ANXA4: variants seen among roughly 807,000 people sequenced by gnomAD.
ANXA4 encodes annexin A4, also known as 35-beta calcimedin.
A neutral mutation model predicts 49.8 loss-of-function variants in ANXA4; 39 were observed. That is an observed-to-expected ratio of 0.78 (90% CI 0.61 to 1.02). ANXA4 has a LOEUF of 1.02. ANXA4 is among the 50% of genes least tolerant of loss of function. The pLI, the probability that ANXA4 is intolerant of heterozygous loss-of-function variation, is 0.00. For missense variants in ANXA4, 360 were observed against 410.1 expected, an observed-to-expected ratio of 0.88 and a Z score of 1.05; for synonymous variants, 134 against 152.5, an observed-to-expected ratio of 0.88 and a Z score of 0.89.
chr2:69,776,592 A>G (rs1016878814), intron 1 of ANXA4, among the ~76,000 whole-genome samples: 2 of 152,192 alleles, frequency 1.3e-5, no homozygotes, highest in Admixed American at 6.5e-5. Flanking sequence ...GTGTGCCACA[A>G]TTTAACTAAA....
At chr2:69,719,376 T>G (rs929233701) in intron 2 of ANXA4, among the ~76,000 whole-genome samples, 1 of 151,018 alleles carries the variant, frequency 6.6e-6, no homozygotes, top group Non-Finnish European at 1.5e-5. Context: ...AGCCTCCTGC[T>G]TTCAGCCTCC....
chr2:69,816,441 A>T (rs940753444), intron 9 of ANXA4: 1 of 373,084 alleles, frequency 2.7e-6, no homozygotes. Context: ...TCTTGTTTCT[A>T]GGAAACTGAC....
intron 1 of ANXA4, among the ~76,000 whole-genome samples, chr2:69,773,219 C>T (rs1671802125): frequency 6.6e-6 from 1 of 152,168 alleles, no homozygotes; most frequent in Non-Finnish European, 1.5e-5. Flanking sequence ...TGTGTAATGA[C>T]TCTCAGTATT....
At chr2:69,781,454 A>T in intron 1 of ANXA4, 66 bp from the exon 2 acceptor site, 3 of 1,353,342 alleles carry the variant, frequency 2.2e-6, no homozygotes, top group Non-Finnish European at 3.2e-6. Context: ...ACTGCAAGTT[A>T]TCCTGATTAA....
At chr2:69,661,554 G>C (rs1370007426) in intron 2 of ANXA4, among the ~76,000 whole-genome samples, 1 of 152,084 alleles carries the variant, frequency 6.6e-6, no homozygotes, top group Non-Finnish European at 1.5e-5. Flanking sequence ...CTGGGTGACA[G>C]AGTAAGTCCC....
chr2:69,740,575 C>T (rs1366301414), upstream of ANXA4, among the ~76,000 whole-genome samples: 7 of 151,608 alleles, frequency 4.6e-5, no homozygotes, highest in African/African-American at 1.5e-4. Flanking sequence ...CTGCTTCAGC[C>T]TGGCTAGTAG....
intron 11 of ANXA4, among the ~76,000 whole-genome samples, chr2:69,820,412 G>C (rs1384051788): frequency 6.6e-6 from 1 of 152,122 alleles, no homozygotes; most frequent in African/African-American, 2.4e-5. Context: ...CCATGAGAAG[G>C]AATCGTAGGT....
chr2:69,643,959 A>C (rs1455591374), upstream of ANXA4: 1 of 1,023,484 alleles, frequency 9.8e-7, no homozygotes, highest in African/African-American at 1.7e-5. Context: ...AAGACTGTTG[A>C]TATCACCCGA....
At chr2:69,785,319 G>A (rs138526256) in intron 2 of ANXA4, among the ~76,000 whole-genome samples, 4 of 152,242 alleles carry the variant, frequency 2.6e-5, no homozygotes, top group African/African-American at 9.6e-5. Flanking sequence ...ACTGTGCTAA[G>A]GGTATAAAAA....
At chr2:69,717,438 T>G (rs566821799) in intron 2 of ANXA4, among the ~76,000 whole-genome samples, 1 of 152,184 alleles carries the variant, frequency 6.6e-6, no homozygotes, top group South Asian at 2.1e-4. Flanking sequence ...CACAAGCAGG[T>G]GGCATTTGAT....
upstream of ANXA4, among the ~76,000 whole-genome samples, chr2:69,741,777 G>T (rs371253583): frequency 1.9e-3 from 296 of 152,280 alleles, 2 homozygotes; most frequent in African/African-American, 6.4e-3. Context: ...CTCCGAGGGT[G>T]TGGAGCGCCC....
chr2:69,760,817 A>G (rs188628962), intron 1 of ANXA4, among the ~76,000 whole-genome samples: 1 of 152,186 alleles, frequency 6.6e-6, no homozygotes, highest in Non-Finnish European at 1.5e-5. Flanking sequence ...AACATTAGCT[A>G]TAACAATTAT....
chr2:69,650,586 T>C (rs1311576950), intron 1 of ANXA4, among the ~76,000 whole-genome samples: 1 of 152,090 alleles, frequency 6.6e-6, no homozygotes, highest in African/African-American at 2.4e-5. Flanking sequence ...CAGCTTCCTG[T>C]ATAACTGGTG....
chr2:69,785,203 C>G (rs1249978344), intron 2 of ANXA4, among the ~76,000 whole-genome samples: 5 of 152,196 alleles, frequency 3.3e-5, no homozygotes, highest in African/African-American at 4.8e-5. Flanking sequence ...GGCCCGTGCC[C>G]TGGGTACCTG....
intron 2 of ANXA4, among the ~76,000 whole-genome samples, chr2:69,657,715 A>T (rs1033781199): frequency 6.6e-6 from 1 of 152,156 alleles, no homozygotes; most frequent in African/African-American, 2.4e-5. Flanking sequence ...AAGTGTTAAA[A>T]TTTTTCTTCT....
chr2:69,723,830 A>G (rs1669886107), intron 3 of ANXA4, among the ~76,000 whole-genome samples: 2 of 152,294 alleles, frequency 1.3e-5, no homozygotes, highest in South Asian at 2.1e-4. Context: ...GATTACAGGC[A>G]TGCACCACCC....
chr2:69,790,867 G>A (rs1348256263), intron 3 of ANXA4, among the ~76,000 whole-genome samples: 3 of 152,222 alleles, frequency 2.0e-5, no homozygotes, highest in Admixed American at 6.5e-5. Flanking sequence ...GTTAATAACA[G>A]ATGTATGATA....
At chr2:69,732,228 C>T (rs1420210731) in intron 3 of ANXA4, among the ~76,000 whole-genome samples, 5 of 151,310 alleles carry the variant, frequency 3.3e-5, no homozygotes, top group Non-Finnish European at 5.9e-5. Context: ...CCGGCCGCCT[C>T]GGCCTCCCAA....
chr2:69,785,522 T>A (rs1193518865), intron 2 of ANXA4, among the ~76,000 whole-genome samples: 1 of 151,456 alleles, frequency 6.6e-6, no homozygotes, highest in African/African-American at 2.4e-5. Flanking sequence ...ATTATTTTAT[T>A]TATTATGGAG....
Sources: gnomAD v4.1 joint callset for allele counts (sites outside exome capture counted in the v4.1 genomes callset) on GRCh38, gnomAD v4.1.1 for gene constraint, MANE v1.5 for transcripts, NCBI Gene and HGNC (gene_info 2026-07-23, HGNC 2026-07-21) for gene names.